The following PCBP3 variants were observed in gnomAD, a reference collection of about 807,000 sequenced individuals.
The protein encoded by PCBP3 is poly(rC) binding protein 3, also known as poly(rC)-binding protein 3.
A neutral mutation model predicts 52.7 loss-of-function variants in PCBP3; 25 were observed. That is an observed-to-expected ratio of 0.47 (90% CI 0.35 to 0.66). The LOEUF (loss-of-function observed/expected upper bound fraction) is 0.66, where lower values mean the gene tolerates loss of function less well. PCBP3 is among the 30% of genes least tolerant of loss of function. PCBP3 has a pLI of 0.01. For synonymous variants in PCBP3, 162 were observed against 183.0 expected (o/e 0.89, Z 0.93); for missense variants, 391 against 490.3 (o/e 0.80, Z 1.91).
intron 4 of PCBP3, among the ~76,000 whole-genome samples, chr21:45,826,009 C>A (rs1030584766): frequency 6.6e-6 from 1 of 152,174 alleles, no homozygotes; most frequent in Non-Finnish European, 1.5e-5. Context: ...CAGTGGCTCA[C>A]GCCTGTAATC....
Position 45,678,077 on chromosome 21 carries a change from C to G in PCBP3, c.-200+9125C>G, listed in dbSNP as rs574077190. On this transcript the variant is annotated intron_variant, in intron 2 of 17. Transcript: ENST00000681687. Reference sequence around the variant, plus strand: ...CATTTTGTGGCTGAGCATGGTGGCTCACGCCTGTAATCCCAGCACTTTGGG... The same window carrying G: ...CATTTTGTGGCTGAGCATGGTGGCTGACGCCTGTAATCCCAGCACTTTGGG... Among the ~76,000 whole-genome samples, 21 of 152,268 alleles carry G rather than the reference C, an allele frequency of 1.4e-4. 1 individual carries two copies. Among genetic ancestry groups the G allele is most frequent in the African/African-American group, 4.6e-4 (19 of 41,566 alleles).
chr21:45,824,158 G>A (rs1569274020), intron 4 of PCBP3, among the ~76,000 whole-genome samples: 1 of 152,274 alleles, frequency 6.6e-6, no homozygotes, highest in East Asian at 1.9e-4. Context: ...TCTTGGGCAG[G>A]GGATGTGCTG....
At chr21:45,883,410 G>A (rs1358102939) in intron 5 of PCBP3, among the ~76,000 whole-genome samples, 1 of 152,182 alleles carries the variant, frequency 6.6e-6, no homozygotes, top group Non-Finnish European at 1.5e-5. Context: ...AGGCCCCGTT[G>A]GTTGATGGTG....
At chr21:45,697,601 C>T (rs1002841889) in intron 2 of PCBP3, among the ~76,000 whole-genome samples, 6 of 151,690 alleles carry the variant, frequency 4.0e-5, no homozygotes, top group Non-Finnish European at 7.4e-5. Flanking sequence ...AAGAATTAGC[C>T]GGGTGTAGGT....
intron 4 of PCBP3, among the ~76,000 whole-genome samples, chr21:45,777,705 C>T (rs1215887817): frequency 6.6e-6 from 1 of 151,576 alleles, no homozygotes; most frequent in African/African-American, 2.4e-5. Context: ...ATTGTTGAAG[C>T]TTTCAAATGT....
intron 1 of PCBP3, among the ~76,000 whole-genome samples, chr21:45,648,387 A>G (rs1174699717): frequency 6.6e-6 from 1 of 152,136 alleles, no homozygotes; most frequent in Non-Finnish European, 1.5e-5. Context: ...TCTATTCTCT[A>G]TTTCACCTCC....
At chr21:45,857,263 C>T (rs986546975) in intron 5 of PCBP3, among the ~76,000 whole-genome samples, 1 of 152,032 alleles carries the variant, frequency 6.6e-6, no homozygotes, top group African/African-American at 2.4e-5. Context: ...TATTCTTTGT[C>T]TCATAATGTT....
chr21:45,920,156 C>G (rs1022010710), intron 13 of PCBP3, among the ~76,000 whole-genome samples: 2 of 152,176 alleles, frequency 1.3e-5, no homozygotes, highest in African/African-American at 4.8e-5. Context: ...TGTGTTTACC[C>G]CAGACAGTCG....
chr21:45,661,297 A>G (rs975262425), intron 1 of PCBP3, among the ~76,000 whole-genome samples: 2 of 151,404 alleles, frequency 1.3e-5, no homozygotes, highest in Non-Finnish European at 2.9e-5. Flanking sequence ...CTCATTCCCC[A>G]CCCCCTCTCA....
At chr21:45,851,099 G>C (rs1037362850) in intron 5 of PCBP3, among the ~76,000 whole-genome samples, 62 of 152,316 alleles carry the variant, frequency 4.1e-4, no homozygotes, top group African/African-American at 1.3e-3. Context: ...AAAAGAGCAA[G>C]AGAGAAAGCC....
rs149964068 is a variant in PCBP3 at position 45,908,128 on chromosome 21, G to A, written c.340-1227G>A. On this transcript the variant is annotated intron_variant, in intron 9 of 17. Transcript: ENST00000681687. ...TCGTTAAAGTCAAATGTTCCCCCAG[G>A]GCAGCCAGTGAGGCCCAATCATCCT... 4.5e-3 allele frequency among the ~76,000 whole-genome samples: 680 copies of A among 152,236 alleles called. 3 individuals are homozygous for A. The highest frequency in any genetic ancestry group is 6.7e-3 in the Non-Finnish European group (457 of 68,016).
intron 4 of PCBP3, among the ~76,000 whole-genome samples, chr21:45,770,371 G>GT (rs1470928313): frequency 6.6e-6 from 1 of 151,968 alleles, no homozygotes; most frequent in Non-Finnish European, 1.5e-5. Context: ...GTTTCATTGA[G>GT]TTTTTCTTTT....
At chr21:45,686,032 C>T (rs953005296) in intron 2 of PCBP3, among the ~76,000 whole-genome samples, 2 of 151,510 alleles carry the variant, frequency 1.3e-5, no homozygotes, top group Admixed American at 1.3e-4. Flanking sequence ...GATTCTCCTG[C>T]CTCAGCCTCC....
At chr21:45,863,032 C>T (rs1380521942) in intron 5 of PCBP3, among the ~76,000 whole-genome samples, 1 of 152,184 alleles carries the variant, frequency 6.6e-6, no homozygotes, top group Non-Finnish European at 1.5e-5. Context: ...CCCCACCTAC[C>T]TGGGGCACAG....
intron 4 of PCBP3, among the ~76,000 whole-genome samples, chr21:45,815,502 AGTGG>A (rs2092891000): frequency 1.3e-5 from 1 of 79,578 alleles, no homozygotes. Context: ...GTGATGAGTG[AGTGG>A]TGAGTGAGTG....
chr21:45,925,568 ATTTT>A (rs1280101710), intron 13 of PCBP3, among the ~76,000 whole-genome samples: 2 of 152,106 alleles, frequency 1.3e-5, no homozygotes, highest in Admixed American at 6.6e-5. Flanking sequence ...GCAAAAAATA[ATTTT>A]TTTGTTTTTT....
intron 1 of PCBP3, among the ~76,000 whole-genome samples, chr21:45,658,418 C>T (rs1235759201): frequency 6.6e-6 from 1 of 152,168 alleles, no homozygotes; most frequent in Non-Finnish European, 1.5e-5. Flanking sequence ...ACTCTCCTGC[C>T]TCAGCCTCCT....
At chr21:45,669,624 G>A (rs1313957584) in intron 2 of PCBP3, among the ~76,000 whole-genome samples, 1 of 151,394 alleles carries the variant, frequency 6.6e-6, no homozygotes, top group East Asian at 1.9e-4. Context: ...TCTACTTTCT[G>A]TTTCTATGAA....
At chr21:45,920,426 T>C (rs1477376595) in intron 13 of PCBP3, among the ~76,000 whole-genome samples, 3 of 152,212 alleles carry the variant, frequency 2.0e-5, no homozygotes, top group Non-Finnish European at 2.9e-5. Context: ...CTCTTAGAAA[T>C]GGGTAGTTGT....
Sources: gnomAD v4.1 joint callset for allele counts (sites outside exome capture counted in the v4.1 genomes callset) on GRCh38, gnomAD v4.1.1 for gene constraint, MANE v1.5 for transcripts, NCBI Gene and HGNC (gene_info 2026-07-23, HGNC 2026-07-21) for gene names.